FDX2: variants seen among roughly 807,000 people sequenced by gnomAD.
The protein encoded by FDX2 is ferredoxin 2, also known as ferredoxin-2, mitochondrial.
FDX2 carries 13 observed loss-of-function variants against 18.5 expected under a neutral mutation model. That is an observed-to-expected ratio of 0.70 (90% CI 0.46 to 1.12). The LOEUF (loss-of-function observed/expected upper bound fraction) is 1.12. FDX2 is among the 50% of genes most tolerant of loss of function. The pLI is 0.00. For synonymous variants in FDX2, 132 were observed against 106.2 expected, an observed-to-expected ratio of 1.24 and a Z score of -1.49; for missense variants, 238 against 250.4, an observed-to-expected ratio of 0.95 and a Z score of 0.34.
chr19:10,315,902 C>T lies in FDX2; in HGVS notation c.104G>A (p.Gly35Glu), dbSNP rs1213156330. 6.2e-7 allele frequency: 1 copy of T among 1,607,696 alleles called. No individual in the cohort carries two copies. Among genetic ancestry groups the T allele is most frequent in the South Asian group, 1.1e-5 (1 of 90,746 alleles). The change falls in exon 1 of 5, where the codon GGG becomes GAG. Residue 35 changes from glycine (G) to glutamate (E), a missense_variant. Transcript: ENST00000393708. Reference sequence around the variant, plus strand: ...CCCCAGCGCCACCCCCTCCCCCGACCCGGAAGTGCCCCCAGGTCTGTTCCA... The same window carrying T: ...CCCCAGCGCCACCCCCTCCCCCGACTCGGAAGTGCCCCCAGGTCTGTTCCA...
At chr19:10,314,504 G>A (rs1482076875) in intron 3 of FDX2, among the ~76,000 whole-genome samples, 1 of 151,612 alleles carries the variant, frequency 6.6e-6, no homozygotes, top group Non-Finnish European at 1.5e-5. Flanking sequence ...GGAGTTCAAG[G>A]CTGCAGTGAG....
chr19:10,315,321 T>G lies in FDX2; in HGVS notation c.316+65A>C, dbSNP rs1004173300. On this transcript the variant is annotated intron_variant, in intron 3 of 4. Coordinates refer to ENST00000393708, the MANE Select transcript of FDX2 (RefSeq NM_001031734.4). ...GAAGAGACACACCTAATTTGTGGGTTTTTTTTTTTTTTTTTTTGGACAAAT... is the reference window on the plus strand; with the variant it reads ...GAAGAGACACACCTAATTTGTGGGTGTTTTTTTTTTTTTTTTTGGACAAAT... 23 of 622,044 alleles carry G rather than the reference T, an allele frequency of 3.7e-5. 1 individual carries two copies. The highest frequency in any genetic ancestry group is 4.9e-5 in the Non-Finnish European group (21 of 430,744). 38.5% of individuals were successfully genotyped at this position (622,044 alleles called of 1,614,324 possible). A position where few individuals can be genotyped will look rare whatever the true frequency, so the allele number is the denominator to read the frequency against.
Position 10,310,216 on chromosome 19 carries a change from C to A in FDX2, c.*270G>T. The A allele has an allele frequency of 4.0e-6, 2 of 498,980 alleles. No individual in the cohort carries two copies. Among genetic ancestry groups the A allele is most frequent in the Non-Finnish European group, 3.6e-6 (1 of 276,118 alleles). 30.9% of individuals were successfully genotyped at this position (498,980 alleles called of 1,614,324 possible). A position where few individuals can be genotyped will look rare whatever the true frequency, so the allele number is the denominator to read the frequency against. The stretch of plus-strand genomic sequence containing the variant: ...CCCAAGGACACTCAACATGCTGGGG[C>A]CTGTGTTATCGATTTATTGCAGCTC... On this transcript the variant is annotated 3_prime_UTR_variant, in exon 5 of 5. Coordinates refer to ENST00000393708, the MANE Select transcript of FDX2 (RefSeq NM_001031734.4).
At chr19:10,310,981 G>C (rs1457049156) in intron 3 of FDX2, 41 bp from the exon 4 acceptor site, 1 of 1,454,768 alleles carries the variant, frequency 6.9e-7, no homozygotes, top group Admixed American at 1.8e-5. Flanking sequence ...GAGTGGCAGA[G>C]TCAGGAAGGG....
chr19:10,314,990 A>G (rs1362602932), intron 3 of FDX2, among the ~76,000 whole-genome samples: 2 of 152,136 alleles, frequency 1.3e-5, no homozygotes, highest in Non-Finnish European at 2.9e-5. Flanking sequence ...AATCCCAGCT[A>G]GTCTGGAGGC....
chr19:10,310,808 T>C (rs778693592), intron 4 of FDX2, 45 bp downstream of exon 4: 1 of 1,588,032 alleles, frequency 6.3e-7, no homozygotes, highest in South Asian at 1.1e-5. Flanking sequence ...GGCTGCTGAA[T>C]GCTCCAGGGT....
At chr19:10,311,294 T>C (rs1223898119) in intron 3 of FDX2, among the ~76,000 whole-genome samples, 3 of 152,122 alleles carry the variant, frequency 2.0e-5, no homozygotes, top group Non-Finnish European at 4.4e-5. Flanking sequence ...TGTGACCCTA[T>C]CACTGTGCTG....
chr19:10,313,919 C>T (rs918529161), intron 3 of FDX2, among the ~76,000 whole-genome samples: 6 of 150,626 alleles, frequency 4.0e-5, no homozygotes, highest in Non-Finnish European at 5.9e-5. Flanking sequence ...CTCCTGACCT[C>T]GTGATCCGCC....
Position 10,310,799 on chromosome 19 carries a change from G to A in FDX2, c.404+54C>T. 5 of 1,563,072 alleles carry A rather than the reference G, an allele frequency of 3.2e-6. No homozygotes were observed. In the South Asian group the frequency reaches 4.5e-5, roughly 14 times the overall value. On this transcript the variant is annotated intron_variant, in intron 4 of 4. Coordinates refer to ENST00000393708, the MANE Select transcript of FDX2 (RefSeq NM_001031734.4). ...ACTGGAAGTGGGGAGGATGGTGGGG[G>A]CTGCTGAATGCTCCAGGGTGAAGCT...
intron 3 of FDX2, among the ~76,000 whole-genome samples, chr19:10,311,403 T>TG (rs988007328): frequency 1.3e-5 from 2 of 149,508 alleles, no homozygotes; most frequent in African/African-American, 4.9e-5. Context: ...AGGATTTTGT[T>TG]TTTTTTTTTT....
At chr19:10,313,671 A>ATATATATTT (rs1361901597) in intron 3 of FDX2, among the ~76,000 whole-genome samples, 1 of 45,412 alleles carries the variant, frequency 2.2e-5, no homozygotes, top group African/African-American at 1.1e-4. Flanking sequence ...ATATATATAT[A>ATATATATTT]TTTTTTTTTT....
In FDX2 at chr19:10,310,288, G is replaced by A; in HGVS notation, c.*198C>T. 1 of 695,030 alleles carries A rather than the reference G, an allele frequency of 1.4e-6. No homozygotes were observed. The highest frequency in any genetic ancestry group is 2.4e-6 in the Non-Finnish European group (1 of 424,246). 43.1% of individuals were successfully genotyped at this position (695,030 alleles called of 1,614,324 possible). A position where few individuals can be genotyped will look rare whatever the true frequency, so the allele number is the denominator to read the frequency against. ...CAAACCCTGATTCTCAGGGGCCTGG[G>A]GAAGGCCACCCCACTAGGGGCCCTG... On this transcript the variant is annotated 3_prime_UTR_variant, in exon 5 of 5. Coordinates refer to ENST00000393708, the MANE Select transcript of FDX2 (RefSeq NM_001031734.4).
At chr19:10,310,730 G>A (rs2040315010) in intron 4 of FDX2, 88 bp from the exon 5 acceptor site, 1 of 1,372,522 alleles carries the variant, frequency 7.3e-7, no homozygotes, top group Admixed American at 1.9e-5. Context: ...GAAGCTGACT[G>A]AGCGCAGGGG....
chr19:10,310,517 T>C lies in FDX2; in HGVS notation c.530A>G (p.Tyr177Cys). Residue 177 changes from tyrosine to cysteine, a missense_variant, in exon 5 of 5, where the codon TAC (tyrosine) becomes TGC (cysteine). Tyr to Cys is a radical substitution (Grantham distance 194). Transcript: ENST00000393708. ...GGGCTTGGGGACATGGCCATCCACG[T>C]AGAAGTTCCTGGTGATCTTGGGCAG... 6 of 1,614,110 alleles carry C rather than the reference T, an allele frequency of 3.7e-6. No individual in the cohort carries two copies. Among genetic ancestry groups the C allele is most frequent in the Non-Finnish European group, 5.1e-6 (6 of 1,179,994 alleles).
In FDX2 at chr19:10,312,677, G is replaced by A. The variant is rs1340910023; in HGVS notation, c.317-1737C>T. The stretch of plus-strand genomic sequence containing the variant: ...CCTCCCAGAGCAGCTGGGACTACAG[G>A]CGCCTGCCACCATGCCTGGCTAATT... On this transcript the variant is annotated intron_variant, in intron 3 of 4. Transcript: ENST00000393708. Among the ~76,000 whole-genome samples, 3 of 152,266 alleles carry A rather than the reference G, an allele frequency of 2.0e-5. No homozygotes were observed. The East Asian group carries it at 5.9e-4, about 30-fold the overall frequency.
At chr19:10,310,741 G>A (rs1313138502) in intron 4 of FDX2, 99 bp from the exon 5 acceptor site, 5 of 1,400,242 alleles carry the variant, frequency 3.6e-6, no homozygotes, top group South Asian at 2.4e-5. Context: ...AGCGCAGGGG[G>A]TAGTGGTGGG....
At chr19:10,313,669 A>G (rs1294457318) in intron 3 of FDX2, among the ~76,000 whole-genome samples, 1 of 43,206 alleles carries the variant, frequency 2.3e-5, no homozygotes, top group South Asian at 7.8e-4. Flanking sequence ...ATATATATAT[A>G]TATTTTTTTT....
chr19:10,312,459 C>T (rs566330192), intron 3 of FDX2, among the ~76,000 whole-genome samples: 1 of 152,290 alleles, frequency 6.6e-6, no homozygotes, highest in East Asian at 1.9e-4. Context: ...GGTTTTCACA[C>T]TCAGAATAAA....
chr19:10,315,617 G>C (rs2040374444), intron 2 of FDX2, 88 bp downstream of exon 2: 7 of 1,517,044 alleles, frequency 4.6e-6, no homozygotes, highest in African/African-American at 1.4e-5. Flanking sequence ...AAGCAGAAGG[G>C]GGACCTCGAG....
Sources: allele counts gnomAD v4.1 joint callset (sites outside exome capture counted in the v4.1 genomes callset), GRCh38; gene constraint gnomAD v4.1.1; transcripts MANE v1.5; gene names NCBI Gene and HGNC (gene_info 2026-07-23, HGNC 2026-07-21).